Variants in IQUB observed in about 807,000 individuals in gnomAD.
IQUB encodes the protein IQ motif and ubiquitin-like domain-containing protein.
Under a neutral mutation model 86.4 loss-of-function variants are expected in IQUB, and 86 were observed. The ratio of observed to expected loss-of-function variants is 1.00; its 90% CI spans 0.84 to 1.19. The LOEUF (loss-of-function observed/expected upper bound fraction) is 1.19. IQUB is among the 50% of genes most tolerant of loss of function. The pLI is 0.00. For missense variants in IQUB, 946 were observed against 916.9 expected (o/e 1.03, Z -0.41); for synonymous variants, 289 against 304.5 (o/e 0.95, Z 0.53).
In IQUB at chr7:123,497,862, T is replaced by C. The variant is rs191169485; in HGVS notation, c.1024-956A>G. Among the ~76,000 whole-genome samples, 31 of 151,734 alleles carry C rather than the reference T, an allele frequency of 2.0e-4. 1 individual carries two copies. In the East Asian group the frequency reaches 5.0e-3, roughly 25 times the overall value. ...GAAGAAAGAGTCTGTAACCTAATCA[T>C]GCACTGGAGAAGCAAGTCAGAAAAA... is the stretch of plus-strand genomic sequence containing the variant. On this transcript the variant is annotated intron_variant, in intron 6 of 12. Transcript: ENST00000324698.
chr7:123,506,910 T>C (rs1796204600), intron 3 of IQUB, among the ~76,000 whole-genome samples: 1 of 152,178 alleles, frequency 6.6e-6, no homozygotes, highest in Admixed American at 6.5e-5. Context: ...TAACTTCTAC[T>C]CACTCCTCCC....
intron 1 of IQUB, among the ~76,000 whole-genome samples, chr7:123,530,737 C>T (rs1161078561): frequency 1.5e-5 from 2 of 131,812 alleles, no homozygotes; most frequent in African/African-American, 3.0e-5. Flanking sequence ...AGTGAAGTGG[C>T]GCGATCTTGG....
intron 1 of IQUB, among the ~76,000 whole-genome samples, chr7:123,526,354 A>C (rs1584659610): frequency 6.6e-6 from 1 of 151,870 alleles, no homozygotes; most frequent in East Asian, 1.9e-4. Flanking sequence ...TTTGTAGGTC[A>C]CTCAGGACTT....
Position 123,479,869 on chromosome 7 carries a change from C to T in IQUB, c.1336G>A (p.Ala446Thr), listed in dbSNP as rs772117811. The T allele has an allele frequency of 1.2e-6, 2 of 1,612,928 alleles. No homozygotes were observed. The highest frequency in any genetic ancestry group is 1.7e-5 in the Admixed American group (1 of 59,862). Residue 446 changes from alanine to threonine, a missense_variant, in exon 8 of 13, where the codon GCT becomes ACT. By Grantham distance (58) the Ala-to-Thr change is moderately conservative (BLOSUM62 0). Coordinates refer to ENST00000324698, the MANE Select transcript of IQUB (RefSeq NM_178827.5). ...ATGTATCTATGTCTCCCAATGGAAG[C>T]AATTATCTGAGTCTCTTTTTCCAGA... ...ELLEKETQII[A>T]SIGRHRYIAY... is the part of the protein sequence containing the mutation.
At chr7:123,480,845 A>C (rs558391406) in intron 7 of IQUB, among the ~76,000 whole-genome samples, 1 of 152,164 alleles carries the variant, frequency 6.6e-6, no homozygotes, top group Non-Finnish European at 1.5e-5. Flanking sequence ...TTATGTTATA[A>C]TAATATTTAT....
At chr7:123,511,533 G>A (rs562377231) in intron 2 of IQUB, among the ~76,000 whole-genome samples, 92 of 152,222 alleles carry the variant, frequency 6.0e-4, no homozygotes, top group African/African-American at 2.1e-3. Flanking sequence ...CACTGGATAC[G>A]AAACTAGAAA....
chr7:123,455,794 AG>A (rs1359994564), intron 12 of IQUB, among the ~76,000 whole-genome samples: 1 of 152,098 alleles, frequency 6.6e-6, no homozygotes, highest in Non-Finnish European at 1.5e-5. Flanking sequence ...TGTCAGTGAC[AG>A]AGATTTGAGT....
intron 3 of IQUB, 55 bp from the exon 4 acceptor site, chr7:123,503,418 T>C: frequency 1.1e-6 from 1 of 924,082 alleles, no homozygotes; most frequent in Non-Finnish European, 1.6e-6. Context: ...TGGCTATTCA[T>C]TGATCTTATT....
At chr7:123,464,085 A>T (rs1365734801) in intron 10 of IQUB, among the ~76,000 whole-genome samples, 1 of 151,836 alleles carries the variant, frequency 6.6e-6, no homozygotes, top group Non-Finnish European at 1.5e-5. Context: ...AAAGCTAAAG[A>T]TGTTTAGTCA....
rs952931959 is a variant in IQUB, at chr7:123,452,476, A to T, written c.*267T>A. ...ATACTTGAAAAAATTTAAAAAATTTAATGTGAAAACACATTTTAAAATGTT... is the reference window on the plus strand; with the variant it reads ...ATACTTGAAAAAATTTAAAAAATTTTATGTGAAAACACATTTTAAAATGTT... On this transcript the variant is annotated 3_prime_UTR_variant, in exon 13 of 13. Coordinates refer to ENST00000324698, the MANE Select transcript of IQUB (RefSeq NM_178827.5). 107 of 244,762 alleles carry T rather than the reference A, an allele frequency of 4.4e-4. No homozygotes were observed. Among genetic ancestry groups the T allele is most frequent in the Non-Finnish European group, 5.9e-4 (76 of 129,788 alleles). 15.2% of individuals were successfully genotyped at this position (244,762 alleles called of 1,614,324 possible). A position where few individuals can be genotyped will look rare whatever the true frequency, so the allele number is the denominator to read the frequency against.
At chr7:123,528,131 C>A (rs1797349053) in intron 1 of IQUB, among the ~76,000 whole-genome samples, 1 of 152,210 alleles carries the variant, frequency 6.6e-6, no homozygotes, top group Non-Finnish European at 1.5e-5. Context: ...CTCCCTGACC[C>A]CTTGCGCTTC....
At chr7:123,528,271 G>C (rs55793511) in intron 1 of IQUB, among the ~76,000 whole-genome samples, 1 of 152,246 alleles carries the variant, frequency 6.6e-6, no homozygotes, top group African/African-American at 2.4e-5. Context: ...GAAATCACCC[G>C]TCTTCTGCGT....
chr7:123,466,988 C>T (rs1300120315), intron 9 of IQUB, among the ~76,000 whole-genome samples: 3 of 151,976 alleles, frequency 2.0e-5, no homozygotes, highest in Non-Finnish European at 4.4e-5. Context: ...GAACATCTGC[C>T]AAGTGTCTTA....
At position 123,506,954 on chromosome 7, in the gene IQUB, G is replaced by GACTAAT. The variant is rs563005667; in HGVS notation, c.532+2941_532+2946dup. ...CCAGCCACTGGTGTATTCAGAAATTGACTAATTTTCTTTCTCTATTTTAAG... is the reference window on the plus strand; with the variant it reads ...CCAGCCACTGGTGTATTCAGAAATTGACTAATACTAATTTTCTTTCTCTATTTTAAG... On this transcript the variant is annotated intron_variant, in intron 3 of 12. Coordinates refer to ENST00000324698, the MANE Select transcript of IQUB (RefSeq NM_178827.5). Among the ~76,000 whole-genome samples, 91 of 152,204 alleles carry GACTAAT rather than the reference G, an allele frequency of 6.0e-4. 1 individual carries two copies. Among genetic ancestry groups the GACTAAT allele is most frequent in the African/African-American group, 2.1e-3 (86 of 41,528 alleles).
chr7:123,521,114 T>C lies in IQUB; in HGVS notation c.-4-8770A>G, dbSNP rs564365142. Among the ~76,000 whole-genome samples the C allele has an allele frequency of 2.8e-4, 42 of 152,240 alleles. No homozygotes were observed. In the South Asian group the frequency reaches 4.6e-3, roughly 17 times the overall value. ...CCTGGAAATTGGAGAGTCAGAAGTC[T>C]ATGGTATTTAAAGCCATGAGACATG... On this transcript the variant is annotated intron_variant, in intron 1 of 12. Coordinates refer to ENST00000324698, the MANE Select transcript of IQUB (RefSeq NM_178827.5).
intron 6 of IQUB, among the ~76,000 whole-genome samples, chr7:123,497,376 C>T (rs2117174081): frequency 6.6e-6 from 1 of 152,158 alleles, no homozygotes; most frequent in African/African-American, 2.4e-5. Context: ...TCTTAAATGC[C>T]ACTAGCTTAG....
At chr7:123,527,833 T>C (rs2117375866) in intron 1 of IQUB, among the ~76,000 whole-genome samples, 1 of 152,312 alleles carries the variant, frequency 6.6e-6, no homozygotes, top group Middle Eastern at 3.4e-3. Context: ...TGAGCTGTGG[T>C]GGGCTCCACC....
At chr7:123,520,421 A>G (rs1796849565) in intron 1 of IQUB, among the ~76,000 whole-genome samples, 1 of 152,182 alleles carries the variant, frequency 6.6e-6, no homozygotes, top group Admixed American at 6.5e-5. Context: ...AGGAAGTATG[A>G]GACTATCAGG....
rs537556496 is a variant in IQUB at position 123,488,473 on chromosome 7, T to C, written c.1234+8223A>G. 3.3e-5 allele frequency among the ~76,000 whole-genome samples: 5 copies of C among 152,242 alleles called. No individual in the cohort carries two copies. The East Asian group carries it at 9.6e-4, about 29-fold the overall frequency. On this transcript the variant is annotated intron_variant, in intron 7 of 12. Transcript: ENST00000324698. ...TAGGTACTGACAGCTTCAAGAGCCC[T>C]GAGCACATTTGCTAGCAGCTGCTTC...
Sources: allele counts gnomAD v4.1 joint callset (sites outside exome capture counted in the v4.1 genomes callset), GRCh38; gene constraint gnomAD v4.1.1; transcripts MANE v1.5; gene names NCBI Gene and HGNC (gene_info 2026-07-23, HGNC 2026-07-21).